The following TENM2 variants were observed in gnomAD, a reference collection of about 807,000 sequenced individuals.
The protein encoded by TENM2 is teneurin transmembrane protein 2.
TENM2 carries 52 observed loss-of-function variants against 245.2 expected under a neutral mutation model. That is an observed-to-expected ratio of 0.21 (90% CI 0.17 to 0.27). The LOEUF (loss-of-function observed/expected upper bound fraction) is 0.27. Among genes scored for constraint, TENM2 ranks in the 10% least tolerant of loss-of-function variants. The pLI, the probability that TENM2 is intolerant of heterozygous loss-of-function variation, is 1.00. For synonymous variants in TENM2, 1,363 were observed against 1,438.9 expected, an observed-to-expected ratio of 0.95 and a Z score of 1.19; for missense variants, 3,046 against 3,666.8, an observed-to-expected ratio of 0.83 and a Z score of 4.37.
At chr5:167,331,236 A>T (rs1757440819) in intron 1 of TENM2, among the ~76,000 whole-genome samples, 1 of 37,094 alleles carries the variant, frequency 2.7e-5, no homozygotes, top group Admixed American at 1.8e-4. Flanking sequence ...ACTCTGTCTC[A>T]AAAAAAAAAA....
the TENM2 span, among the ~76,000 whole-genome samples, chr5:167,220,447 A>T: frequency 6.6e-6 from 1 of 152,218 alleles, no homozygotes; most frequent in African/African-American, 2.4e-5. Flanking sequence ...TGTGTATTTT[A>T]TAAGCCAAAA....
At chr5:167,518,707 T>G (rs747332628) in intron 2 of TENM2, among the ~76,000 whole-genome samples, 25 of 152,068 alleles carry the variant, frequency 1.6e-4, no homozygotes, top group Admixed American at 6.5e-4. Flanking sequence ...CAGTCCGGAG[T>G]CACATCATGA....
intron 2 of TENM2, among the ~76,000 whole-genome samples, chr5:167,654,936 C>T (rs963730628): frequency 6.6e-6 from 1 of 152,008 alleles, no homozygotes; most frequent in African/African-American, 2.4e-5. Flanking sequence ...AAGCTGGCAC[C>T]TATTATTAGT....
chr5:167,429,591 T>TTC (rs200918525), intron 2 of TENM2, among the ~76,000 whole-genome samples: 115 of 134,068 alleles, frequency 8.6e-4, no homozygotes, highest in African/African-American at 2.3e-3. Flanking sequence ...GAAATTCTCT[T>TTC]TCTCTCTCTC....
At chr5:167,792,674 C>T (rs576903540) in intron 2 of TENM2, among the ~76,000 whole-genome samples, 8 of 149,672 alleles carry the variant, frequency 5.3e-5, no homozygotes, top group South Asian at 2.1e-4. Flanking sequence ...TCCCTGGGAA[C>T]GGTTACCAGA....
At chr5:168,161,817 T>TACACACACACACACACAC (rs113801768) in intron 12 of TENM2, among the ~76,000 whole-genome samples, 94 of 147,360 alleles carry the variant, frequency 6.4e-4, no homozygotes, top group African/African-American at 2.3e-3. Context: ...AGCGCATGTA[T>TACACACACACACACACAC]ACACACACAC....
At chr5:168,061,720 C>G (rs552071895) in intron 6 of TENM2, among the ~76,000 whole-genome samples, 1 of 152,280 alleles carries the variant, frequency 6.6e-6, no homozygotes, top group African/African-American at 2.4e-5. Context: ...CCCTCCCCTC[C>G]CCTGCTGATA....
At chr5:168,258,213 G>A (rs1767853415) in intron 27 of TENM2, among the ~76,000 whole-genome samples, 1 of 152,198 alleles carries the variant, frequency 6.6e-6, no homozygotes, top group Non-Finnish European at 1.5e-5. Flanking sequence ...GTAAAAAAGT[G>A]GAAACAGGCC....
chr5:167,147,823 T>C, the TENM2 span, among the ~76,000 whole-genome samples: 84 of 152,232 alleles, frequency 5.5e-4, no homozygotes, highest in African/African-American at 2.0e-3. Context: ...CTCAACCTGG[T>C]TTTTTTCTCA....
At chr5:167,952,588 G>A in exon 4 of TENM2, 1 of 1,594,292 alleles carries the variant, frequency 6.3e-7, no homozygotes. Flanking sequence ...TTTTTTTCAG[G>A]CCCTCCGAAC....
At chr5:167,020,289 AG>A in the TENM2 span, among the ~76,000 whole-genome samples, 1 of 152,218 alleles carries the variant, frequency 6.6e-6, no homozygotes, top group Non-Finnish European at 1.5e-5. Context: ...TGAGGGCTCA[AG>A]TTATTGAAAA....
At position 167,427,476 on chromosome 5, in the gene TENM2, A is replaced by G. The variant is rs1763902446; in HGVS notation, c.502+52003A>G. On this transcript the variant is annotated intron_variant, in intron 2 of 28. Coordinates refer to ENST00000518659, the Ensembl canonical transcript of TENM2. ...AGGAAAAAAAGAAAGGAAGGAAGGG[A>G]AGGAAGGGAAGCAAGGGGAGGAAGA... Among the ~76,000 whole-genome samples, 3 of 149,508 alleles carry G rather than the reference A, an allele frequency of 2.0e-5. No individual in the cohort carries two copies. In the South Asian group the frequency reaches 6.6e-4, roughly 33 times the overall value.
intron 2 of TENM2, among the ~76,000 whole-genome samples, chr5:167,557,008 T>A (rs936293777): frequency 6.6e-6 from 1 of 152,158 alleles, no homozygotes; most frequent in African/African-American, 2.4e-5. Context: ...AAATGTTAAG[T>A]TTTTTATTGT....
the TENM2 span, among the ~76,000 whole-genome samples, chr5:167,246,474 A>G: frequency 2.0e-5 from 3 of 151,472 alleles, no homozygotes; most frequent in East Asian, 3.9e-4. Context: ...ATCTATATGT[A>G]TATGTTATGT....
chr5:167,726,446 C>T (rs1161247349), intron 2 of TENM2, among the ~76,000 whole-genome samples: 1 of 152,008 alleles, frequency 6.6e-6, no homozygotes, highest in Non-Finnish European at 1.5e-5. Flanking sequence ...CCTTACCTTC[C>T]TTTTTATTTA....
chr5:167,223,918 G>T, the TENM2 span, among the ~76,000 whole-genome samples: 1 of 152,058 alleles, frequency 6.6e-6, no homozygotes, highest in African/African-American at 2.4e-5. Context: ...TTGTGGTTTT[G>T]ATTCACATTT....
At chr5:168,078,838 T>TA (rs1170736103) in intron 7 of TENM2, among the ~76,000 whole-genome samples, 3 of 152,230 alleles carry the variant, frequency 2.0e-5, no homozygotes, top group Admixed American at 2.0e-4. Context: ...TGTAGCCTTG[T>TA]AGTATAGTTT....
At chr5:167,181,136 G>A in the TENM2 span, among the ~76,000 whole-genome samples, 5 of 151,786 alleles carry the variant, frequency 3.3e-5, no homozygotes, top group South Asian at 2.1e-4. Context: ...ATATACTTGC[G>A]CAATGATTTT....
intron 2 of TENM2, among the ~76,000 whole-genome samples, chr5:167,548,543 G>A (rs1010370162): frequency 1.0e-5 from 1 of 99,812 alleles, no homozygotes; most frequent in African/African-American, 3.7e-5. Flanking sequence ...ATTTATTACA[G>A]GTCACAGACA....
Sources: gnomAD v4.1 joint callset for allele counts (sites outside exome capture counted in the v4.1 genomes callset) on GRCh38, gnomAD v4.1.1 for gene constraint, MANE v1.5 for transcripts, NCBI Gene and HGNC (gene_info 2026-07-23, HGNC 2026-07-21) for gene names.